CPEB2: variants seen among roughly 807,000 people sequenced by gnomAD.
The protein encoded by CPEB2 is cytoplasmic polyadenylation element-binding protein 2.
CPEB2 carries 56 observed loss-of-function variants against 93.6 expected under a neutral mutation model. The ratio of observed to expected loss-of-function variants is 0.60; its 90% CI spans 0.48 to 0.75. CPEB2 has a LOEUF of 0.75. Among genes scored for constraint, CPEB2 ranks in the 30% least tolerant of loss-of-function variants. CPEB2 has a pLI of 0.00. For missense variants in CPEB2, 1,579 were observed against 1,395.1 expected (o/e 1.13, Z -2.10); for synonymous variants, 764 against 586.3 (o/e 1.30, Z -4.38).
At chr4:15,024,941 T>C (rs1725279297) in intron 4 of CPEB2, among the ~76,000 whole-genome samples, 1 of 152,006 alleles carries the variant, frequency 6.6e-6, no homozygotes, top group Admixed American at 6.6e-5. Flanking sequence ...AGACGGGGTT[T>C]CACTGTGTTT....
At chr4:15,014,742 C>G (rs892474904) in intron 3 of CPEB2, among the ~76,000 whole-genome samples, 4 of 151,912 alleles carry the variant, frequency 2.6e-5, no homozygotes, top group Non-Finnish European at 4.4e-5. Flanking sequence ...TGAGAACTAA[C>G]TATATTCTGT....
At chr4:15,033,235 T>G in intron 5 of CPEB2, 24 bp downstream of exon 5, 1 of 1,425,510 alleles carries the variant, frequency 7.0e-7, no homozygotes, top group Non-Finnish European at 9.9e-7. Flanking sequence ...AAACATTTTA[T>G]GTTTCCAGTT....
chr4:15,005,457 C>T (rs1722696685), intron 1 of CPEB2, among the ~76,000 whole-genome samples: 1 of 152,060 alleles, frequency 6.6e-6, no homozygotes, highest in Non-Finnish European at 1.5e-5. Flanking sequence ...TTTGTTATTC[C>T]CTCAATACAA....
In CPEB2 at chr4:15,019,826, A is replaced by C. The variant is rs567191918; in HGVS notation, c.2125+2548A>C. ...ACTTGAGTGAGGAGAGATATTAGTT[A>C]TCTCTCTATAATTATCCCAAAATTT... On this transcript the variant is annotated intron_variant, in intron 4 of 11. Coordinates refer to ENST00000538197, the MANE Select transcript of CPEB2 (RefSeq NM_001177382.2). Among the ~76,000 whole-genome samples the C allele has an allele frequency of 9.2e-5, 14 of 152,152 alleles. No homozygotes were observed. In the East Asian group the frequency reaches 2.1e-3, roughly 23 times the overall value.
At chr4:15,019,681 C>A (rs568445645) in intron 4 of CPEB2, among the ~76,000 whole-genome samples, 3 of 151,934 alleles carry the variant, frequency 2.0e-5, no homozygotes, top group East Asian at 3.9e-4. Flanking sequence ...TTTTACAAAC[C>A]AGCCATTTGT....
Position 15,003,991 on chromosome 4 carries a change from C to T in CPEB2, c.1318C>T (p.Pro440Ser), listed in dbSNP as rs1396538948. ...CGGCGGCTCGCTCAGCGCCATGCCG[C>T]CGCCCAGCCCCGACTCAGAGAACGG... ...GSGGSLSAMP[P>S]PSPDSENGFY... The change falls in exon 1 of 12, where the codon CCG becomes TCG. Residue 440 changes from proline (P) to serine (S), a missense_variant. By Grantham distance (74) the Pro-to-Ser change is moderately conservative (BLOSUM62 -1). Coordinates refer to ENST00000538197, the MANE Select transcript of CPEB2 (RefSeq NM_001177382.2). 2.7e-6 allele frequency: 4 copies of T among 1,501,078 alleles called. No individual in the cohort carries two copies. The African/African-American group carries it at 4.4e-5, about 16-fold the overall frequency. 93.0% of individuals were successfully genotyped at this position (1,501,078 alleles called of 1,614,324 possible). A position where few individuals can be genotyped will look rare whatever the true frequency, so the allele number is the denominator to read the frequency against.
chr4:15,065,321 C>G (rs1013626243), intron 11 of CPEB2, among the ~76,000 whole-genome samples: 2 of 152,070 alleles, frequency 1.3e-5, no homozygotes, highest in Non-Finnish European at 2.9e-5. Flanking sequence ...GTTCTGTTGT[C>G]TCCTAAGGAA....
chr4:15,062,401 A>G (rs1041026807), intron 11 of CPEB2, 141 bp downstream of exon 11: 3 of 513,728 alleles, frequency 5.8e-6, no homozygotes, highest in Non-Finnish European at 9.7e-6. Flanking sequence ...ATATAAAAAT[A>G]TCCTTGAAAT....
intron 4 of CPEB2, among the ~76,000 whole-genome samples, chr4:15,030,368 C>A (rs1350113116): frequency 1.3e-5 from 2 of 151,960 alleles, no homozygotes; most frequent in Non-Finnish European, 2.9e-5. Context: ...AGTGGTATAA[C>A]CTTGGGCAAC....
At chr4:15,054,077 G>C (rs186506995) in intron 7 of CPEB2, 51 bp from the exon 8 acceptor site, 2 of 1,265,592 alleles carry the variant, frequency 1.6e-6, no homozygotes, top group African/African-American at 1.5e-5. Flanking sequence ...GAATTTCTTA[G>C]AACGAATCAC....
At chr4:15,064,312 A>C (rs1005240547) in intron 11 of CPEB2, among the ~76,000 whole-genome samples, 1 of 152,056 alleles carries the variant, frequency 6.6e-6, no homozygotes, top group African/African-American at 2.4e-5. Context: ...AGAAGAGTTT[A>C]ATTATTAGAG....
chr4:15,010,330 C>T lies in CPEB2; in HGVS notation c.2034+1903C>T, dbSNP rs188558608. On this transcript the variant is annotated intron_variant, in intron 3 of 11. Coordinates refer to ENST00000538197, the MANE Select transcript of CPEB2 (RefSeq NM_001177382.2). ...TTTTGGCCATTTCTTTTCCTCCATG[C>T]TGCCCCACCCCCCTTGCCTCTATTT... Among the ~76,000 whole-genome samples, 69 of 152,264 alleles carry T rather than the reference C, an allele frequency of 4.5e-4. 1 individual carries two copies. The highest frequency in any genetic ancestry group is 3.2e-4 in the Non-Finnish European group (22 of 68,020).
In CPEB2 at chr4:15,003,027, C is replaced by T; in HGVS notation, c.354C>T (p.Leu118=). The T allele has an allele frequency of 1.3e-6, 2 of 1,501,988 alleles. No homozygotes were observed. The highest frequency in any genetic ancestry group is 1.8e-6 in the Non-Finnish European group (2 of 1,136,250). 93.0% of individuals were successfully genotyped at this position (1,501,988 alleles called of 1,614,324 possible). The change falls in exon 1 of 12, where the codon CTC becomes CTT. Residue 118 remains leucine, a synonymous_variant. Transcript: ENST00000538197. The stretch of plus-strand genomic sequence containing the variant: ...CGGGGGCGGCGGCCACGGAGAAACT[C>T]CCCGACCACCACCCCGGCGGCGGCA... The part of the protein sequence containing the change: ...PLSGAAATEK[L]PDHHPGGGTI...
chr4:15,057,126 T>G (rs1052414291), intron 8 of CPEB2, among the ~76,000 whole-genome samples: 1 of 152,100 alleles, frequency 6.6e-6, no homozygotes, highest in African/African-American at 2.4e-5. Context: ...GATTATTATT[T>G]TGTATCAAAA....
intron 6 of CPEB2, among the ~76,000 whole-genome samples, chr4:15,047,960 C>T (rs1337886681): frequency 6.7e-6 from 1 of 149,976 alleles, no homozygotes; most frequent in African/African-American, 2.5e-5. Flanking sequence ...TTATCAGATG[C>T]ATTTCCTACA....
intron 4 of CPEB2, among the ~76,000 whole-genome samples, chr4:15,021,477 T>G (rs1724806801): frequency 6.6e-6 from 1 of 152,158 alleles, no homozygotes; most frequent in African/African-American, 2.4e-5. Context: ...TTAAGCTCTT[T>G]TCCTTCCCTG....
chr4:15,063,776 A>C (rs114802487), intron 11 of CPEB2: 6 of 152,112 alleles, frequency 3.9e-5, no homozygotes, highest in African/African-American at 1.2e-4. Context: ...CTGACTCTTA[A>C]AGAGCAACTC....
intron 3 of CPEB2, among the ~76,000 whole-genome samples, chr4:15,011,058 C>T (rs1387308882): frequency 1.3e-5 from 2 of 148,892 alleles, no homozygotes; most frequent in Non-Finnish European, 3.0e-5. Context: ...ACATTTCTGA[C>T]TTTAAAATGA....
At chr4:15,047,059 T>C (rs1577443267) in intron 6 of CPEB2, among the ~76,000 whole-genome samples, 1 of 152,200 alleles carries the variant, frequency 6.6e-6, no homozygotes, top group East Asian at 1.9e-4. Context: ...TTGAACTGTA[T>C]TGGTACCTTT....
Sources: gnomAD v4.1 joint callset for allele counts (sites outside exome capture counted in the v4.1 genomes callset) on GRCh38, gnomAD v4.1.1 for gene constraint, MANE v1.5 for transcripts, NCBI Gene and HGNC (gene_info 2026-07-23, HGNC 2026-07-21) for gene names.